The following PECAM1 variants were observed in gnomAD, a reference collection of about 807,000 sequenced individuals.
PECAM1 encodes platelet and endothelial cell adhesion molecule 1, also known as platelet endothelial cell adhesion molecule.
PECAM1 carries 8 observed loss-of-function variants against 13.8 expected under a neutral mutation model. The observed-to-expected ratio is 0.58, with a 90% CI of 0.34 to 1.05. The LOEUF (loss-of-function observed/expected upper bound fraction) is 1.05. Among genes scored for constraint, PECAM1 ranks in the 50% least tolerant of loss-of-function variants. The probability of loss-of-function intolerance (pLI) is 0.03; values close to 1 mark genes in which losing one functional copy is unlikely to be tolerated. For missense variants in PECAM1, 304 were observed against 141.2 expected (o/e 2.15, Z -5.84); for synonymous variants, 136 against 52.6 (o/e 2.58, Z -6.86).
At chr17:64,358,611 G>A (rs1363210701) in intron 7 of PECAM1, among the ~76,000 whole-genome samples, 2 of 152,068 alleles carry the variant, frequency 1.3e-5, no homozygotes, top group Non-Finnish European at 2.9e-5. Context: ...TCACTGTAAG[G>A]ATATAGTTCA....
At chr17:64,343,902 A>G (rs2035496195) in intron 13 of PECAM1, among the ~76,000 whole-genome samples, 1 of 152,116 alleles carries the variant, frequency 6.6e-6, no homozygotes, top group South Asian at 2.1e-4. Flanking sequence ...GCTTGATGTC[A>G]GGCCTGGCCA....
In PECAM1 at chr17:64,375,234, G is replaced by A. The variant is rs969507114; in HGVS notation, c.508C>T (p.Leu170=). Residue 170 remains leucine, a synonymous_variant, in exon 4 of 16, where the codon CTA becomes TTA. Coordinates refer to ENST00000563924, the MANE Select transcript of PECAM1 (RefSeq NM_000442.5). ...PIHFTIEKLE[L]NEKMVKLKRE... is the part of the protein sequence containing the mutation. ...TTCAGCTTGACCATTTTTTCATTTA[G>A]TTCAAGTTTTTCAATTGTGAAGTGT... 23 of 475,286 alleles carry A rather than the reference G, an allele frequency of 4.8e-5. No homozygotes were observed. Among genetic ancestry groups the A allele is most frequent in the Admixed American group, 1.3e-4 (4 of 31,744 alleles). 29.4% of individuals were successfully genotyped at this position (475,286 alleles called of 1,614,324 possible). A position where few individuals can be genotyped will look rare whatever the true frequency, so the allele number is the denominator to read the frequency against.
chr17:64,322,361 G>C lies in PECAM1; in HGVS notation c.*1455C>G. 1.1e-6 allele frequency: 1 copy of C among 950,428 alleles called. No individual in the cohort carries two copies. The highest frequency in any genetic ancestry group is 1.3e-6 in the Non-Finnish European group (1 of 797,602). 58.9% of individuals were successfully genotyped at this position (950,428 alleles called of 1,614,324 possible). ...AGGTTGCGCCGCTGCAGTCCAGCCC[G>C]GGCAACAAGAGCGAATCTCCGTCTC... On this transcript the variant is annotated 3_prime_UTR_variant, in exon 16 of 16. Coordinates refer to ENST00000563924, the MANE Select transcript of PECAM1 (RefSeq NM_000442.5).
At position 64,329,709 on chromosome 17, in the gene PECAM1, G is replaced by T. The variant is rs187016261; in HGVS notation, c.2178C>A (p.Ser726Arg). ...TGAAATGTGTACTTACAGAGTATCT[G>T]CTTTCCACGGCATCTACAAAACAAA... ...VRKAVPDAVE[S>R]RYSRTEGSLD... is the part of the protein sequence containing the mutation. The change falls in exon 15 of 16, where the codon AGC (serine) becomes AGA (arginine). Residue 726 changes from serine (S) to arginine (R), a missense_variant. By Grantham distance (110) the Ser-to-Arg change is moderately radical (BLOSUM62 -1). Transcript: ENST00000563924. 2.6e-6 allele frequency: 2 copies of T among 768,688 alleles called. No individual in the cohort carries two copies. Among genetic ancestry groups the T allele is most frequent in the African/African-American group, 1.7e-5 (1 of 58,896 alleles). The allele number at this position is 768,688 out of a possible 1,614,324, so 47.6% of individuals were successfully genotyped here.
chr17:64,380,080 C>T (rs1431599897), intron 2 of PECAM1, among the ~76,000 whole-genome samples: 2 of 151,502 alleles, frequency 1.3e-5, no homozygotes, highest in Admixed American at 6.6e-5. Context: ...GGCTGTAATC[C>T]CAGCACTTTG....
At position 64,374,989 on chromosome 17, in the gene PECAM1, C is replaced by G. The variant is rs1407000353; in HGVS notation, c.691+62G>C. ...AGCAGCCCCTTCCCAGTTCTGGGTT[C>G]TTTCTCCCCATACCAAACCAGAAAC... On this transcript the variant is annotated intron_variant, in intron 4 of 15. Coordinates refer to ENST00000563924, the MANE Select transcript of PECAM1 (RefSeq NM_000442.5). 8.9e-6 allele frequency: 4 copies of G among 451,166 alleles called. No homozygotes were observed. In the Admixed American group the frequency reaches 1.5e-4, roughly 17 times the overall value. The allele number at this position is 451,166 out of a possible 1,614,324, so 27.9% of individuals were successfully genotyped here.
chr17:64,368,066 G>A (rs1397484359), intron 5 of PECAM1, among the ~76,000 whole-genome samples: 4 of 152,028 alleles, frequency 2.6e-5, no homozygotes, highest in East Asian at 1.9e-4. Flanking sequence ...ATGAATGAAC[G>A]TTATGAATGC....
At chr17:64,384,807 A>G (rs1311123275) in intron 2 of PECAM1, among the ~76,000 whole-genome samples, 1 of 152,240 alleles carries the variant, frequency 6.6e-6, no homozygotes, top group Admixed American at 6.5e-5. Flanking sequence ...TTAAGCCAGT[A>G]AGTTTTAGGT....
chr17:64,325,995 C>A (rs1227979339), intron 15 of PECAM1, among the ~76,000 whole-genome samples: 1 of 152,198 alleles, frequency 6.6e-6, no homozygotes, highest in Non-Finnish European at 1.5e-5. Flanking sequence ...GAGGTCTCAA[C>A]AAACTGCAGA....
Position 64,378,083 on chromosome 17 carries a change from C to T in PECAM1, c.126G>A (p.Leu42=), listed in dbSNP as rs2143878956. 3.8e-5 allele frequency: 18 copies of T among 475,282 alleles called. No individual in the cohort carries two copies. The East Asian group carries it at 5.6e-4, about 15-fold the overall frequency. The allele number at this position is 475,282 out of a possible 1,614,324, so 29.4% of individuals were successfully genotyped here. A position where few individuals can be genotyped will look rare whatever the true frequency, so the allele number is the denominator to read the frequency against. The change falls in exon 3 of 16, where the codon CTG becomes CTA. Residue 42 remains leucine, a synonymous_variant. Coordinates refer to ENST00000563924, the MANE Select transcript of PECAM1 (RefSeq NM_000442.5). ...TCCCATTTTGCACCGTCCAGTCCGG[C>T]AGGCTCTTCATGTCAACACTGTTGA... ...FTINSVDMKS[L]PDWTVQNGKN...
In PECAM1 at chr17:64,322,162, G is replaced by C. The variant is rs2034822172; in HGVS notation, c.*1654C>G. On this transcript the variant is annotated 3_prime_UTR_variant, in exon 16 of 16. Transcript: ENST00000563924. ...AGCACACATGAGGACAAGGCGGGCA[G>C]ATCACCAAAGGTCAGGCATTCGAGA... 1.2e-6 allele frequency: 1 copy of C among 821,354 alleles called. No homozygotes were observed. Among genetic ancestry groups the C allele is most frequent in the South Asian group, 4.2e-5 (1 of 23,756 alleles). The allele number at this position is 821,354 out of a possible 1,614,324, so 50.9% of individuals were successfully genotyped here.
chr17:64,383,904 G>A (rs974768844), intron 2 of PECAM1, among the ~76,000 whole-genome samples: 78 of 152,214 alleles, frequency 5.1e-4, no homozygotes, highest in Middle Eastern at 3.4e-3. Context: ...GGCCTAGGTC[G>A]GTGGATCACC....
At position 64,375,191 on chromosome 17, in the gene PECAM1, C is replaced by T. The variant is rs1011102664; in HGVS notation, c.551G>A (p.Arg184Gln). The T allele has an allele frequency of 6.3e-6, 3 of 475,250 alleles. No homozygotes were observed. Among genetic ancestry groups the T allele is most frequent in the East Asian group, 3.1e-5 (1 of 32,054 alleles). 29.4% of individuals were successfully genotyped at this position (475,250 alleles called of 1,614,324 possible). A position where few individuals can be genotyped will look rare whatever the true frequency, so the allele number is the denominator to read the frequency against. The part of the protein sequence containing the change: ...MVKLKREKNS[R>Q]DQNFVILEFP... Reference sequence around the variant, plus strand: ...TTCCAGTATCACAAAATTCTGGTCTCGAGAATTCTTCTCTCTTTTCAGCTT... The same window carrying T: ...TTCCAGTATCACAAAATTCTGGTCTTGAGAATTCTTCTCTCTTTTCAGCTT... Residue 184 changes from arginine (R) to glutamine (Q), a missense_variant, in exon 4 of 16, where the codon CGA becomes CAA. Coordinates refer to ENST00000563924, the MANE Select transcript of PECAM1 (RefSeq NM_000442.5).
intron 2 of PECAM1, chr17:64,378,906 T>A (rs1411462496): frequency 2.0e-5 from 3 of 152,316 alleles, no homozygotes; most frequent in Non-Finnish European, 4.4e-5. Flanking sequence ...GCTTAATAAA[T>A]GACTGCTACC....
intron 15 of PECAM1, 45 bp downstream of exon 15, chr17:64,329,655 C>A: frequency 1.4e-6 from 1 of 736,320 alleles, no homozygotes; most frequent in South Asian, 1.5e-5. Context: ...TTTCACTGTT[C>A]AGTGGAGTAC....
chr17:64,338,806 G>A (rs1447314983), intron 14 of PECAM1, among the ~76,000 whole-genome samples: 6 of 151,996 alleles, frequency 3.9e-5, no homozygotes, highest in African/African-American at 1.2e-4. Flanking sequence ...TGATCCACCC[G>A]CCTCGGCCTC....
rs2034846471 is a variant in PECAM1, at chr17:64,323,081, T to C, written c.*735A>G. 2.0e-6 allele frequency: 2 copies of C among 984,818 alleles called. No individual in the cohort carries two copies. Among genetic ancestry groups the C allele is most frequent in the Non-Finnish European group, 2.4e-6 (2 of 829,344 alleles). 61.0% of individuals were successfully genotyped at this position (984,818 alleles called of 1,614,324 possible). A position where few individuals can be genotyped will look rare whatever the true frequency, so the allele number is the denominator to read the frequency against. ...GTTTTCAATTAAGAATAATATTTGCTGATGGCACCATCTTCCTGTCTTTCA... is the reference window on the plus strand; with the variant it reads ...GTTTTCAATTAAGAATAATATTTGCCGATGGCACCATCTTCCTGTCTTTCA... On this transcript the variant is annotated 3_prime_UTR_variant, in exon 16 of 16. Transcript: ENST00000563924.
intron 15 of PECAM1, among the ~76,000 whole-genome samples, chr17:64,329,088 C>T (rs1320012505): frequency 1.3e-5 from 2 of 152,128 alleles, no homozygotes; most frequent in Admixed American, 1.3e-4. Context: ...CCCTTGTGCT[C>T]CTGCTGATCT....
intron 15 of PECAM1, 54 bp from the exon 16 acceptor site, chr17:64,323,899 T>C: frequency 1.3e-6 from 1 of 790,486 alleles, no homozygotes; most frequent in East Asian, 2.4e-5. Context: ...AGATTGAAGA[T>C]TGCCCTGGTG....
Sources: gnomAD v4.1 joint callset for allele counts (sites outside exome capture counted in the v4.1 genomes callset) on GRCh38, gnomAD v4.1.1 for gene constraint, MANE v1.5 for transcripts, NCBI Gene and HGNC (gene_info 2026-07-23, HGNC 2026-07-21) for gene names.